ACYP2: variants seen among roughly 807,000 people sequenced by gnomAD.
ACYP2 encodes acylphosphatase 2.
A neutral mutation model predicts 11.2 loss-of-function variants in ACYP2; 12 were observed. The observed-to-expected ratio is 1.08, with a 90% confidence interval of 0.69 to 1.74. The LOEUF (loss-of-function observed/expected upper bound fraction) is 1.74. Among genes scored for constraint, ACYP2 ranks in the 40% most tolerant of loss-of-function variants. The pLI is 0.00. For missense variants in ACYP2, 134 were observed against 101.9 expected (o/e 1.31, Z -1.35); for synonymous variants, 43 against 32.2 (o/e 1.33, Z -1.13).
intron 4 of ACYP2, among the ~76,000 whole-genome samples, chr2:54,081,457 A>G (rs1677643709): frequency 6.6e-6 from 1 of 152,186 alleles, no homozygotes; most frequent in South Asian, 2.1e-4. Context: ...AGATACAGAA[A>G]TACTACTGGG....
intron 6 of ACYP2, among the ~76,000 whole-genome samples, chr2:54,231,029 C>A (rs112531868): frequency 1.3e-5 from 2 of 151,870 alleles, no homozygotes; most frequent in Non-Finnish European, 2.9e-5. Flanking sequence ...CGGGGTTTCA[C>A]CATGTTGACC....
intron 6 of ACYP2, among the ~76,000 whole-genome samples, chr2:54,198,396 G>A (rs1338986653): frequency 1.3e-5 from 2 of 151,956 alleles, no homozygotes; most frequent in Non-Finnish European, 2.9e-5. Flanking sequence ...CCAGGAACCA[G>A]TTAGGAAGGA....
intron 6 of ACYP2, among the ~76,000 whole-genome samples, chr2:54,175,956 A>C (rs1433878798): frequency 6.6e-6 from 1 of 152,118 alleles, no homozygotes; most frequent in Non-Finnish European, 1.5e-5. Context: ...CCCTTATAAT[A>C]GGCCTTGGAG....
At position 54,297,349 on chromosome 2, in the gene ACYP2, T is replaced by C. The variant is rs372677155; in HGVS notation, c.405-7339T>C. ...TCTCCACACACAAAAAAATTTTTAA[T>C]TAGCCAGGCATGGTGGCTCATTCCT... On this transcript the variant is annotated intron_variant, in intron 6 of 6. Coordinates refer to ENST00000607452, the MANE Select transcript of ACYP2 (RefSeq NM_001320586.2). Among the ~76,000 whole-genome samples, 15 of 152,080 alleles carry C rather than the reference T, an allele frequency of 9.9e-5. No individual in the cohort carries two copies. The East Asian group carries it at 2.7e-3, about 27-fold the overall frequency.
chr2:54,042,685 G>A (rs780964133), intron 2 of ACYP2, among the ~76,000 whole-genome samples: 1 of 152,120 alleles, frequency 6.6e-6, no homozygotes, highest in East Asian at 1.9e-4. Context: ...CAAGGGGCAC[G>A]ATGGTGAGGG....
chr2:54,019,906 C>T (rs927406585), intron 2 of ACYP2, among the ~76,000 whole-genome samples: 6 of 152,002 alleles, frequency 3.9e-5, no homozygotes, highest in Non-Finnish European at 7.4e-5. Flanking sequence ...AAGCATGAGC[C>T]ACTGCACCTG....
intron 4 of ACYP2, among the ~76,000 whole-genome samples, chr2:54,105,795 C>G (rs2103709349): frequency 6.6e-6 from 1 of 152,102 alleles, no homozygotes; most frequent in South Asian, 2.1e-4. Context: ...CGCCTGGACC[C>G]TATTAATAAA....
intron 2 of ACYP2, among the ~76,000 whole-genome samples, chr2:54,012,910 C>T (rs900356816): frequency 6.6e-6 from 1 of 152,124 alleles, no homozygotes; most frequent in Non-Finnish European, 1.5e-5. Context: ...TCTGACCTGT[C>T]TTCTTCTCTG....
At chr2:54,203,277 A>G (rs1217263497) in intron 6 of ACYP2, among the ~76,000 whole-genome samples, 1 of 152,178 alleles carries the variant, frequency 6.6e-6, no homozygotes, top group African/African-American at 2.4e-5. Flanking sequence ...GTTTATTGAT[A>G]ATGTATAGGA....
chr2:54,300,588 G>C (rs1194632015), intron 6 of ACYP2, among the ~76,000 whole-genome samples: 1 of 152,178 alleles, frequency 6.6e-6, no homozygotes, highest in East Asian at 1.9e-4. Context: ...TCATTGCCCA[G>C]CTTCTCCCTT....
chr2:54,143,757 T>C (rs13001000), intron 6 of ACYP2, among the ~76,000 whole-genome samples: 2 of 19,244 alleles, frequency 1.0e-4, no homozygotes, highest in African/African-American at 3.4e-4. Context: ...TTTTTTTTTT[T>C]GGGGGGGGGG....
At chr2:54,216,149 A>G (rs1333456723) in intron 6 of ACYP2, among the ~76,000 whole-genome samples, 2 of 152,254 alleles carry the variant, frequency 1.3e-5, no homozygotes, top group African/African-American at 4.8e-5. Flanking sequence ...TGCTAATTTA[A>G]GATGCTGGTT....
chr2:54,244,301 A>G (rs888623190), intron 6 of ACYP2, among the ~76,000 whole-genome samples: 9 of 152,180 alleles, frequency 5.9e-5, no homozygotes, highest in Non-Finnish European at 8.8e-5. Flanking sequence ...TCCTGGGTTC[A>G]AGCAATTCTT....
chr2:54,097,799 C>T (rs190977803), intron 4 of ACYP2, among the ~76,000 whole-genome samples: 9 of 152,068 alleles, frequency 5.9e-5, no homozygotes, highest in Non-Finnish European at 1.3e-4. Context: ...ATTTTTAACT[C>T]TAACCACCAT....
chr2:54,025,180 C>G (rs1236374062), intron 2 of ACYP2, among the ~76,000 whole-genome samples: 1 of 152,084 alleles, frequency 6.6e-6, no homozygotes, highest in Non-Finnish European at 1.5e-5. Flanking sequence ...CAAAAGCAAT[C>G]TACAAATTCA....
chr2:54,143,554 CT>C (rs1558566405), intron 6 of ACYP2, among the ~76,000 whole-genome samples: 1 of 152,074 alleles, frequency 6.6e-6, no homozygotes, highest in South Asian at 2.1e-4. Context: ...CTGCCTCAGC[CT>C]CCCGAGTAGC....
At chr2:54,201,656 T>TTCTTTC (rs70944151) in intron 6 of ACYP2, among the ~76,000 whole-genome samples, 1 of 102,550 alleles carries the variant, frequency 9.8e-6, no homozygotes, top group Non-Finnish European at 2.1e-5. Context: ...CTTTCTTTCT[T>TTCTTTC]TCTTTCTTTC....
intron 6 of ACYP2, among the ~76,000 whole-genome samples, chr2:54,258,210 G>A (rs1687639882): frequency 6.6e-6 from 1 of 151,534 alleles, no homozygotes; most frequent in Admixed American, 6.6e-5. Context: ...CAAGGAGATT[G>A]AAAGTCCTGG....
intron 4 of ACYP2, among the ~76,000 whole-genome samples, chr2:54,097,741 T>C (rs977164512): frequency 6.6e-6 from 1 of 152,098 alleles, no homozygotes; most frequent in South Asian, 2.1e-4. Flanking sequence ...TGAGACGTCA[T>C]GTTATTTTAG....
Sources: gnomAD v4.1 joint callset for allele counts (sites outside exome capture counted in the v4.1 genomes callset) on GRCh38, gnomAD v4.1.1 for gene constraint, MANE v1.5 for transcripts, NCBI Gene and HGNC (gene_info 2026-07-23, HGNC 2026-07-21) for gene names.